Variants in FHIP1A observed in about 807,000 individuals in gnomAD.
FHIP1A encodes FHF complex subunit HOOK interacting protein 1A, also known as FHF complex subunit HOOK-interacting protein 1A.
In FHIP1A, 61 loss-of-function variants were observed where a neutral mutation model predicts 88.6. The observed-to-expected ratio is 0.69, with a 90% confidence interval of 0.56 to 0.85. The LOEUF is 0.85. FHIP1A is among the 40% of genes least tolerant of loss of function. The pLI is 0.00. For synonymous variants in FHIP1A, 478 were observed against 496.0 expected (o/e 0.96, Z 0.48); for missense variants, 1,154 against 1,273.5 (o/e 0.91, Z 1.43).
intron 8 of FHIP1A, 40 bp downstream of exon 8, chr4:151,629,909 A>ACAGATTT: frequency 6.7e-7 from 1 of 1,502,020 alleles, no homozygotes; most frequent in Non-Finnish European, 9.0e-7. Flanking sequence ...ACAACTCAGA[A>ACAGATTT]CAGATTTCAG....
At chr4:151,499,849 A>G (rs1730587862) in intron 3 of FHIP1A, among the ~76,000 whole-genome samples, 1 of 152,214 alleles carries the variant, frequency 6.6e-6, no homozygotes, top group Admixed American at 6.5e-5. Context: ...GCATGAGAGT[A>G]ACCGCCTCCC....
chr4:151,457,673 T>TGGA (rs1729013123), intron 2 of FHIP1A, among the ~76,000 whole-genome samples: 1 of 152,194 alleles, frequency 6.6e-6, no homozygotes, highest in Admixed American at 6.6e-5. Flanking sequence ...TGTTTTTTAG[T>TGGA]ATACTGTCTG....
Position 151,621,569 on chromosome 4 carries a change from G to A in FHIP1A, c.979-8133G>A, listed in dbSNP as rs375444374. 2.0e-4 allele frequency among the ~76,000 whole-genome samples: 29 copies of A among 148,600 alleles called. No homozygotes were observed. In the East Asian group the frequency reaches 5.8e-3, roughly 30 times the overall value. On this transcript the variant is annotated intron_variant, in intron 7 of 13. Coordinates refer to ENST00000435205, the MANE Select transcript of FHIP1A (RefSeq NM_001109977.3). Reference sequence around the variant, plus strand: ...TGTGGCAGGGGGTGGTGGGGGGTGCGTGGGGGAGGAGTTGGGGGGGTTGCG... The same window carrying A: ...TGTGGCAGGGGGTGGTGGGGGGTGCATGGGGGAGGAGTTGGGGGGGTTGCG...
chr4:151,557,294 G>T (rs2126756548), intron 3 of FHIP1A, among the ~76,000 whole-genome samples: 1 of 152,304 alleles, frequency 6.6e-6, no homozygotes, highest in East Asian at 1.9e-4. Context: ...TAGGAACCTT[G>T]TCTATTCTTG....
At position 151,662,778 on chromosome 4, in the gene FHIP1A, G is replaced by A; in HGVS notation, c.*24G>A. The A allele has an allele frequency of 4.2e-6, 6 of 1,421,924 alleles. No individual in the cohort carries two copies. Among genetic ancestry groups the A allele is most frequent in the Non-Finnish European group, 5.6e-6 (6 of 1,076,176 alleles). 88.1% of individuals were successfully genotyped at this position (1,421,924 alleles called of 1,614,324 possible). A position where few individuals can be genotyped will look rare whatever the true frequency, so the allele number is the denominator to read the frequency against. ...AGCTTTTTTTTTTTTTTTTAATAGAGGTTCTTGTTTTGTAAGGTTTTAGTG... is the reference window on the plus strand; with the variant it reads ...AGCTTTTTTTTTTTTTTTTAATAGAAGTTCTTGTTTTGTAAGGTTTTAGTG... On this transcript the variant is annotated 3_prime_UTR_variant, in exon 14 of 14. Coordinates refer to ENST00000435205, the MANE Select transcript of FHIP1A (RefSeq NM_001109977.3).
intron 1 of FHIP1A, among the ~76,000 whole-genome samples, chr4:151,417,703 A>G (rs918341516): frequency 2.0e-5 from 3 of 152,136 alleles, no homozygotes; most frequent in African/African-American, 7.2e-5. Context: ...CCTCAGTAGG[A>G]TTACAGGTGT....
chr4:151,541,116 A>G (rs1397195262), intron 3 of FHIP1A, among the ~76,000 whole-genome samples: 2 of 152,180 alleles, frequency 1.3e-5, no homozygotes, highest in East Asian at 3.9e-4. Context: ...TTTTTTTAAG[A>G]TATGCTACAC....
At chr4:151,456,868 C>T (rs948545962) in intron 2 of FHIP1A, among the ~76,000 whole-genome samples, 2 of 150,172 alleles carry the variant, frequency 1.3e-5, no homozygotes, top group Admixed American at 6.6e-5. Flanking sequence ...TAATTTTGGC[C>T]CTGTCTACCT....
chr4:151,574,238 A>G (rs997938441), intron 4 of FHIP1A, among the ~76,000 whole-genome samples: 3 of 152,244 alleles, frequency 2.0e-5, no homozygotes, highest in Non-Finnish European at 2.9e-5. Flanking sequence ...CCAGTGGGTT[A>G]GAGCTGGGTC....
intron 13 of FHIP1A, among the ~76,000 whole-genome samples, chr4:151,660,764 C>G (rs1356385863): frequency 1.3e-5 from 2 of 152,118 alleles, no homozygotes; most frequent in Admixed American, 6.5e-5. Flanking sequence ...GGAATGACTT[C>G]TGGGGGCAGG....
At chr4:151,562,759 G>A (rs1237244044) in intron 3 of FHIP1A, among the ~76,000 whole-genome samples, 5 of 152,182 alleles carry the variant, frequency 3.3e-5, no homozygotes, top group Admixed American at 6.5e-5. Context: ...AGGAGGAAAT[G>A]CGATTTTGAC....
intron 3 of FHIP1A, among the ~76,000 whole-genome samples, chr4:151,540,053 A>T (rs939022002): frequency 4.6e-5 from 7 of 152,212 alleles, no homozygotes; most frequent in African/African-American, 1.7e-4. Context: ...GACAACTTTG[A>T]CCTTCAATCA....
At position 151,665,570 on chromosome 4, in the gene FHIP1A, A is replaced by G. The variant is rs528674809; in HGVS notation, c.*2816A>G. Among the ~76,000 whole-genome samples, 2 of 152,338 alleles carry G rather than the reference A, an allele frequency of 1.3e-5. No individual in the cohort carries two copies. The highest frequency in any genetic ancestry group is 4.1e-4 in the South Asian group (2 of 4,830). ...GGGTTATTTAGGGAGTGACGTGGACATGCCAAAGAAAAACAGCAGAGAACT... is the reference window on the plus strand; with the variant it reads ...GGGTTATTTAGGGAGTGACGTGGACGTGCCAAAGAAAAACAGCAGAGAACT... On this transcript the variant is annotated 3_prime_UTR_variant, in exon 14 of 14. Coordinates refer to ENST00000435205, the MANE Select transcript of FHIP1A (RefSeq NM_001109977.3).
chr4:151,662,912 T>C lies in FHIP1A; in HGVS notation c.*158T>C. 1.4e-6 allele frequency: 1 copy of C among 704,446 alleles called. No individual in the cohort carries two copies. The highest frequency in any genetic ancestry group is 2.2e-6 in the Non-Finnish European group (1 of 458,606). 43.6% of individuals were successfully genotyped at this position (704,446 alleles called of 1,614,324 possible). On this transcript the variant is annotated 3_prime_UTR_variant, in exon 14 of 14. Coordinates refer to ENST00000435205, the MANE Select transcript of FHIP1A (RefSeq NM_001109977.3). ...GAATTTTCTGTATCTTTCCTCTCTCTCTCTAGCCGGGCCTTTCCACCTTAT... is the reference window on the plus strand; with the variant it reads ...GAATTTTCTGTATCTTTCCTCTCTCCCTCTAGCCGGGCCTTTCCACCTTAT...
At chr4:151,427,622 A>AT (rs1243156384) in intron 1 of FHIP1A, among the ~76,000 whole-genome samples, 2 of 151,772 alleles carry the variant, frequency 1.3e-5, no homozygotes, top group African/African-American at 2.4e-5. Context: ...TTTAATTTGA[A>AT]TTTTTTTTGC....
chr4:151,443,249 GA>G (rs1728473214), intron 1 of FHIP1A, among the ~76,000 whole-genome samples: 1 of 152,090 alleles, frequency 6.6e-6, no homozygotes, highest in Non-Finnish European at 1.5e-5. Flanking sequence ...TGTGAGCTAT[GA>G]TCACACCACT....
Position 151,544,645 on chromosome 4 carries a change from T to C in FHIP1A, c.-122-21493T>C, listed in dbSNP as rs137979914. ...TGCTTTGTGCTTGGAAATAGGATTC[T>C]TAGGGGTTATGGGTTTAGGTGGTAG... On this transcript the variant is annotated intron_variant, in intron 3 of 13. Coordinates refer to ENST00000435205, the MANE Select transcript of FHIP1A (RefSeq NM_001109977.3). 4.1e-4 allele frequency among the ~76,000 whole-genome samples: 63 copies of C among 152,238 alleles called. No homozygotes were observed. In the East Asian group the frequency reaches 6.8e-3, roughly 16 times the overall value.
At chr4:151,428,317 G>A (rs1554076873) in intron 1 of FHIP1A, among the ~76,000 whole-genome samples, 1 of 152,092 alleles carries the variant, frequency 6.6e-6, no homozygotes, top group Non-Finnish European at 1.5e-5. Context: ...CCTAACATTT[G>A]TATGATGGTT....
intron 10 of FHIP1A, among the ~76,000 whole-genome samples, chr4:151,647,879 C>G (rs1339008186): frequency 6.6e-6 from 1 of 152,180 alleles, no homozygotes; most frequent in Admixed American, 6.5e-5. Flanking sequence ...AACTTCTCTC[C>G]TGGTGTGATC....
Sources: gnomAD v4.1 joint callset for allele counts (sites outside exome capture counted in the v4.1 genomes callset) on GRCh38, gnomAD v4.1.1 for gene constraint, MANE v1.5 for transcripts, NCBI Gene and HGNC (gene_info 2026-07-23, HGNC 2026-07-21) for gene names.